LRRC1: variants seen among roughly 807,000 people sequenced by gnomAD.
The protein encoded by LRRC1 is leucine rich repeat containing 1.
A neutral mutation model predicts 69.9 loss-of-function variants in LRRC1; 28 were observed. That is an observed-to-expected ratio of 0.40 (90% CI 0.30 to 0.55). LRRC1 has a LOEUF of 0.55. Ranked by LOEUF, LRRC1 falls within the 20% of genes least tolerant of loss-of-function variation. LRRC1 has a pLI of 0.47. For synonymous variants in LRRC1, 236 were observed against 240.2 expected (o/e 0.98, Z 0.16); for missense variants, 498 against 609.0 (o/e 0.82, Z 1.92).
At chr6:53,842,433 A>G (rs1435736691) in intron 2 of LRRC1, among the ~76,000 whole-genome samples, 2 of 152,200 alleles carry the variant, frequency 1.3e-5, no homozygotes, top group Non-Finnish European at 2.9e-5. Flanking sequence ...TAGTTATGGG[A>G]AAACTATATG....
chr6:53,830,901 G>T (rs1765407871), intron 1 of LRRC1, among the ~76,000 whole-genome samples: 1 of 145,564 alleles, frequency 6.9e-6, no homozygotes, highest in African/African-American at 2.5e-5. Flanking sequence ...TATGGTTTTT[G>T]CCATTATCTT....
intron 4 of LRRC1, among the ~76,000 whole-genome samples, chr6:53,885,780 C>A (rs1468089327): frequency 6.6e-6 from 1 of 152,116 alleles, no homozygotes; most frequent in Non-Finnish European, 1.5e-5. Context: ...ATGCCTTGAA[C>A]CTGGGGGCAC....
chr6:53,856,838 T>C (rs946616131), intron 2 of LRRC1, among the ~76,000 whole-genome samples: 1 of 152,090 alleles, frequency 6.6e-6, no homozygotes, highest in African/African-American at 2.4e-5. Context: ...AGGCCAGGCA[T>C]CTATGTCAGG....
intron 2 of LRRC1, among the ~76,000 whole-genome samples, chr6:53,858,637 C>G (rs2127422209): frequency 6.6e-6 from 1 of 152,288 alleles, no homozygotes; most frequent in African/African-American, 2.4e-5. Flanking sequence ...TGTTTCCATC[C>G]CTTTCACTGT....
chr6:53,852,688 G>A (rs1265606770), intron 2 of LRRC1, among the ~76,000 whole-genome samples: 2 of 152,142 alleles, frequency 1.3e-5, no homozygotes, highest in Non-Finnish European at 2.9e-5. Flanking sequence ...GGGCAGAGCT[G>A]ATAGTTATTT....
intron 1 of LRRC1, among the ~76,000 whole-genome samples, chr6:53,808,206 G>A (rs534821695): frequency 6.6e-6 from 1 of 152,332 alleles, no homozygotes; most frequent in East Asian, 1.9e-4. Context: ...GTGAAGTGCT[G>A]CTGGTGACGT....
intron 1 of LRRC1, among the ~76,000 whole-genome samples, chr6:53,836,077 A>G (rs910063016): frequency 3.9e-5 from 6 of 152,294 alleles, no homozygotes; most frequent in Middle Eastern, 3.4e-3. Flanking sequence ...GGAGCTTCAT[A>G]TAAGAAAGCC....
intron 2 of LRRC1, among the ~76,000 whole-genome samples, chr6:53,877,324 A>G (rs1313701234): frequency 1.3e-5 from 2 of 152,150 alleles, no homozygotes; most frequent in East Asian, 3.9e-4. Flanking sequence ...TGGGCCTGTG[A>G]TAGGAGGGGC....
intron 1 of LRRC1, among the ~76,000 whole-genome samples, chr6:53,797,920 A>T (rs985394757): frequency 6.6e-6 from 1 of 152,212 alleles, no homozygotes; most frequent in African/African-American, 2.4e-5. Context: ...CCTAGCAGGA[A>T]TCTTCTATCC....
At position 53,828,635 on chromosome 6, in the gene LRRC1, A is replaced by G. The variant is rs1765340518; in HGVS notation, c.160-13475A>G. ...GCTTTGTTTTTGATGATTAGTATGA[A>G]AAACATTTCTTTAAATTTACATGCT... On this transcript the variant is annotated intron_variant, in intron 1 of 13. Coordinates refer to ENST00000370888, the MANE Select transcript of LRRC1 (RefSeq NM_018214.5). Among the ~76,000 whole-genome samples the G allele has an allele frequency of 2.6e-5, 4 of 152,334 alleles. No homozygotes were observed. The South Asian group carries it at 8.3e-4, about 32-fold the overall frequency.
chr6:53,845,448 C>T lies in LRRC1; in HGVS notation c.277+3221C>T, dbSNP rs562562140. On this transcript the variant is annotated intron_variant, in intron 2 of 13. Transcript: ENST00000370888. Reference sequence around the variant, plus strand: ...GGCGATGTGAGAACCTGACTTTGTACAGGTGCAGGCATTTGTGAGGTTTGC... The same window carrying T: ...GGCGATGTGAGAACCTGACTTTGTATAGGTGCAGGCATTTGTGAGGTTTGC... Among the ~76,000 whole-genome samples, 8 of 152,252 alleles carry T rather than the reference C, an allele frequency of 5.3e-5. No individual in the cohort carries two copies. In the East Asian group the frequency reaches 1.5e-3, roughly 29 times the overall value.
intron 2 of LRRC1, among the ~76,000 whole-genome samples, chr6:53,846,136 G>T (rs1402537591): frequency 6.6e-6 from 1 of 152,232 alleles, no homozygotes; most frequent in Admixed American, 6.5e-5. Context: ...GAAGAGAGAA[G>T]TTTTTACAGC....
At chr6:53,895,636 T>G (rs2127435342) in intron 4 of LRRC1, among the ~76,000 whole-genome samples, 1 of 152,328 alleles carries the variant, frequency 6.6e-6, no homozygotes, top group Admixed American at 6.5e-5. Context: ...CAATAGACTG[T>G]GTCACTTGTT....
chr6:53,902,570 G>A (rs1768094089), intron 8 of LRRC1, 59 bp from the exon 9 acceptor site: 1 of 1,065,958 alleles, frequency 9.4e-7, no homozygotes. Context: ...TCCAAGCAGT[G>A]ATTATGAAAA....
At chr6:53,848,024 C>G (rs1009383844) in intron 2 of LRRC1, among the ~76,000 whole-genome samples, 7 of 152,170 alleles carry the variant, frequency 4.6e-5, no homozygotes, top group African/African-American at 1.7e-4. Flanking sequence ...AATTTGGGCC[C>G]AAATTTAGCA....
intron 1 of LRRC1, among the ~76,000 whole-genome samples, chr6:53,803,588 ATG>A (rs150574296): frequency 2.1e-4 from 31 of 150,134 alleles, no homozygotes; most frequent in East Asian, 9.8e-4. Context: ...GTGTGTGTGT[ATG>A]TGTGTGTGTG....
chr6:53,868,370 A>G (rs572629606), intron 2 of LRRC1, among the ~76,000 whole-genome samples: 2 of 152,092 alleles, frequency 1.3e-5, no homozygotes, highest in South Asian at 2.1e-4. Context: ...GATTACAGGC[A>G]TGCACCACGA....
chr6:53,812,465 C>T (rs1007110848), intron 1 of LRRC1, among the ~76,000 whole-genome samples: 7 of 151,128 alleles, frequency 4.6e-5, no homozygotes, highest in Non-Finnish European at 7.4e-5. Flanking sequence ...CCGAGGCGGG[C>T]GGATCACGAG....
chr6:53,828,101 G>GCTCTGACC (rs1765325052), intron 1 of LRRC1, among the ~76,000 whole-genome samples: 1 of 149,706 alleles, frequency 6.7e-6, no homozygotes, highest in African/African-American at 2.5e-5. Context: ...TGAGCTTCTA[G>GCTCTGACC]CTCTGACCTA....
Sources: gnomAD v4.1 joint callset for allele counts (sites outside exome capture counted in the v4.1 genomes callset) on GRCh38, gnomAD v4.1.1 for gene constraint, MANE v1.5 for transcripts, NCBI Gene and HGNC (gene_info 2026-07-23, HGNC 2026-07-21) for gene names.